Variants in NTM observed in about 807,000 individuals in gnomAD.
NTM encodes the protein IgLON family member 2.
In NTM, 13 loss-of-function variants were observed where a neutral mutation model predicts 42.1. That is an observed-to-expected ratio of 0.31 (90% CI 0.20 to 0.49). The LOEUF (loss-of-function observed/expected upper bound fraction) is 0.49, where lower values mean the gene tolerates loss of function less well. Ranked by LOEUF, NTM falls within the 20% of genes least tolerant of loss-of-function variation. The probability of loss-of-function intolerance (pLI) is 0.99; values close to 1 mark genes in which losing one functional copy is unlikely to be tolerated. For missense variants in NTM, 373 were observed against 452.8 expected (o/e 0.82, Z 1.60); for synonymous variants, 187 against 179.2 (o/e 1.04, Z -0.35).
intron 1 of NTM, among the ~76,000 whole-genome samples, chr11:131,711,459 A>G (rs2077121925): frequency 2.0e-5 from 3 of 152,350 alleles, no homozygotes; most frequent in Middle Eastern, 3.4e-3. Context: ...TAGAATGGCA[A>G]TCATTAAAAA....
At chr11:131,977,853 C>A (rs2064643661) in intron 2 of NTM, among the ~76,000 whole-genome samples, 1 of 152,292 alleles carries the variant, frequency 6.6e-6, no homozygotes, top group South Asian at 2.1e-4. Context: ...AGTACAATGA[C>A]TCTTTATGTG....
intron 2 of NTM, among the ~76,000 whole-genome samples, chr11:132,034,808 A>G (rs2076322199): frequency 6.6e-6 from 1 of 152,178 alleles, no homozygotes; most frequent in Non-Finnish European, 1.5e-5. Flanking sequence ...TGTTTGTTCC[A>G]TTGATGACCA....
At chr11:132,094,577 A>G (rs2060742384) in intron 2 of NTM, among the ~76,000 whole-genome samples, 1 of 152,208 alleles carries the variant, frequency 6.6e-6, no homozygotes, top group South Asian at 2.1e-4. Context: ...GAGATGACTG[A>G]AAGGAAGAGC....
intron 1 of NTM, among the ~76,000 whole-genome samples, chr11:131,789,452 A>G (rs1234350344): frequency 2.5e-4 from 3 of 12,132 alleles, no homozygotes; most frequent in African/African-American, 9.5e-4. Context: ...GAAGAAGAAG[A>G]AGAAGAAGAA....
chr11:131,631,943 C>G (rs1353497053), intron 1 of NTM, among the ~76,000 whole-genome samples: 1 of 151,992 alleles, frequency 6.6e-6, no homozygotes, highest in African/African-American at 2.4e-5. Context: ...TTTCCGGGGA[C>G]TTCTCTTTAT....
intron 1 of NTM, among the ~76,000 whole-genome samples, chr11:131,432,917 C>T (rs539477693): frequency 2.2e-5 from 3 of 135,796 alleles, no homozygotes; most frequent in Non-Finnish European, 3.0e-5. Context: ...TGCGGTGGCG[C>T]GATCACAGCT....
At chr11:131,694,773 G>A (rs545401850) in intron 1 of NTM, among the ~76,000 whole-genome samples, 476 of 152,298 alleles carry the variant, frequency 3.1e-3, no homozygotes, top group Non-Finnish European at 5.7e-3. Flanking sequence ...TTTGCGGAAG[G>A]GCATAAAGGC....
intron 3 of NTM, among the ~76,000 whole-genome samples, chr11:132,202,447 C>T (rs543429526): frequency 1.3e-5 from 2 of 152,310 alleles, no homozygotes; most frequent in East Asian, 3.9e-4. Context: ...CAACCCAAAG[C>T]ATGCACTGCC....
intron 1 of NTM, among the ~76,000 whole-genome samples, chr11:131,414,404 C>T (rs1946735190): frequency 6.6e-6 from 1 of 152,182 alleles, no homozygotes. Context: ...AGTCTCTGAT[C>T]CCTCTAAAGG....
At chr11:132,107,274 C>G (rs1044502437) in intron 2 of NTM, among the ~76,000 whole-genome samples, 3 of 143,782 alleles carry the variant, frequency 2.1e-5, no homozygotes, top group Non-Finnish European at 4.5e-5. Flanking sequence ...TTTGTAACAT[C>G]TTGAAGTTTT....
intron 2 of NTM, among the ~76,000 whole-genome samples, chr11:132,025,948 C>T (rs565763233): frequency 2.6e-5 from 4 of 152,258 alleles, no homozygotes; most frequent in African/African-American, 9.6e-5. Context: ...GGAACTTAGA[C>T]ATGGAATCCT....
intron 2 of NTM, among the ~76,000 whole-genome samples, chr11:132,079,787 T>C (rs1402871693): frequency 1.3e-5 from 2 of 152,204 alleles, no homozygotes; most frequent in Non-Finnish European, 2.9e-5. Flanking sequence ...TTTTGTTTTG[T>C]ATTTTATACT....
intron 1 of NTM, among the ~76,000 whole-genome samples, chr11:131,409,400 G>T (rs1946138903): frequency 6.6e-6 from 1 of 152,216 alleles, no homozygotes; most frequent in Non-Finnish European, 1.5e-5. Flanking sequence ...ACAGCCTTCT[G>T]GCTGCCTTCC....
Position 131,873,963 on chromosome 11 carries a change from A to ATATATAT in NTM, c.83-37579_83-37573dup, listed in dbSNP as rs528176814. On this transcript the variant is annotated intron_variant, in intron 1 of 8. Coordinates refer to ENST00000683400, the MANE Select transcript of NTM (RefSeq NM_001352005.2). ...GAGAATGATGGTTTCCAGCTTTTAT[A>ATATATAT]TATATATTATATATTATATATTATA... Among the ~76,000 whole-genome samples, 170 of 117,350 alleles carry ATATATAT rather than the reference A, an allele frequency of 1.4e-3. 1 individual carries two copies. Among genetic ancestry groups the ATATATAT allele is most frequent in the Middle Eastern group, 4.3e-3 (1 of 230 alleles). The allele number at this position is 117,350 out of a possible 152,430, so 77.0% of individuals were successfully genotyped here.
At chr11:132,254,886 G>T (rs1031846446) in intron 4 of NTM, among the ~76,000 whole-genome samples, 3 of 152,168 alleles carry the variant, frequency 2.0e-5, no homozygotes, top group Non-Finnish European at 4.4e-5. Context: ...TTCTGTGTAT[G>T]ATGGGATACC....
At chr11:131,687,010 T>A (rs1460125607) in intron 1 of NTM, among the ~76,000 whole-genome samples, 1 of 152,160 alleles carries the variant, frequency 6.6e-6, no homozygotes, top group African/African-American at 2.4e-5. Flanking sequence ...GGCCACGTTC[T>A]GCCCCAGTTC....
intron 1 of NTM, among the ~76,000 whole-genome samples, chr11:131,701,868 A>C (rs2135182143): frequency 6.6e-6 from 1 of 152,228 alleles, no homozygotes; most frequent in Non-Finnish European, 1.5e-5. Flanking sequence ...CCCAGTGCAA[A>C]ATGAAAATGT....
At chr11:131,677,016 CTGAT>C (rs10585180) in intron 1 of NTM, among the ~76,000 whole-genome samples, 104,383 of 151,714 alleles carry the variant, frequency 0.69, 36,873 homozygotes, top group Non-Finnish European at 0.76. Flanking sequence ...TGATGACAGA[CTGAT>C]TGGTAGTGTT....
chr11:131,410,130 T>C (rs542419324), intron 1 of NTM, among the ~76,000 whole-genome samples: 9 of 152,054 alleles, frequency 5.9e-5, no homozygotes, highest in African/African-American at 2.2e-4. Flanking sequence ...AAACGTCCTA[T>C]TGGGTTCAGG....
Sources: gnomAD v4.1 joint callset for allele counts (sites outside exome capture counted in the v4.1 genomes callset) on GRCh38, gnomAD v4.1.1 for gene constraint, MANE v1.5 for transcripts, NCBI Gene and HGNC (gene_info 2026-07-23, HGNC 2026-07-21) for gene names.